Variants in SPAG16 observed in about 807,000 individuals in gnomAD.
The protein encoded by SPAG16 is sperm-associated antigen 16 protein.
A neutral mutation model predicts 80.4 loss-of-function variants in SPAG16; 86 were observed. That is an observed-to-expected ratio of 1.07 (90% CI 0.90 to 1.28). SPAG16 has a LOEUF of 1.28. Ranked by LOEUF, SPAG16 falls within the 50% of genes most tolerant of loss-of-function variation. The pLI is 0.00. For synonymous variants in SPAG16, 294 were observed against 265.9 expected (o/e 1.11, Z -1.03); for missense variants, 870 against 765.3 (o/e 1.14, Z -1.61).
chr2:213,558,451 A>G (rs1421540256), intron 10 of SPAG16, among the ~76,000 whole-genome samples: 1 of 147,302 alleles, frequency 6.8e-6, no homozygotes, highest in East Asian at 2.0e-4. Context: ...TTATTGATTT[A>G]GCCTTATTTA....
intron 12 of SPAG16, among the ~76,000 whole-genome samples, chr2:213,931,111 GTTAC>G: frequency 6.6e-6 from 1 of 152,042 alleles, no homozygotes; most frequent in South Asian, 2.1e-4. Flanking sequence ...CCCTTTTTTA[GTTAC>G]TTAGTTAGCA....
intron 13 of SPAG16, among the ~76,000 whole-genome samples, chr2:214,042,374 G>A (rs1049766391): frequency 6.6e-6 from 1 of 151,888 alleles, no homozygotes; most frequent in Non-Finnish European, 1.5e-5. Context: ...GGGAAAAACT[G>A]CAGTTACTTT....
At chr2:214,209,971 G>T (rs2058247548) in intron 15 of SPAG16, among the ~76,000 whole-genome samples, 1 of 151,942 alleles carries the variant, frequency 6.6e-6, no homozygotes, top group Non-Finnish European at 1.5e-5. Context: ...TTCTCACCAA[G>T]AAAAATGGAG....
intron 9 of SPAG16, among the ~76,000 whole-genome samples, chr2:213,468,935 C>T (rs895566840): frequency 1.3e-5 from 2 of 151,952 alleles, no homozygotes; most frequent in African/African-American, 4.8e-5. Context: ...GGAGGCTAGG[C>T]CATCTGGTCT....
chr2:214,103,625 T>C lies in SPAG16; in HGVS notation c.1528-4571T>C, dbSNP rs115769660. 9.0e-3 allele frequency among the ~76,000 whole-genome samples: 1,377 copies of C among 152,232 alleles called. 23 individuals carry two copies. The highest frequency in any genetic ancestry group is 0.031 in the African/African-American group (1,301 of 41,538). On this transcript the variant is annotated intron_variant, in intron 13 of 15. Coordinates refer to ENST00000331683, the MANE Select transcript of SPAG16 (RefSeq NM_024532.5). ...AACAGAAAGCACAAAGGCGGGAGCA[T>C]TCCAGGCAGTTAGAAAACAGGAAGG... is the stretch of plus-strand genomic sequence containing the variant.
rs150236759 is a variant in SPAG16, at chr2:213,994,142, A to G, written c.1401-19809A>G. ...ATTTTTTTTTCAAACTTGGTTTTCT[A>G]TTTCTTACAGACAGTAGTTTTCTTT... is the stretch of plus-strand genomic sequence containing the variant. On this transcript the variant is annotated intron_variant, in intron 12 of 15. Transcript: ENST00000331683. Among the ~76,000 whole-genome samples, 6 of 152,246 alleles carry G rather than the reference A, an allele frequency of 3.9e-5. No individual in the cohort carries two copies. The East Asian group carries it at 9.6e-4, about 24-fold the overall frequency.
intron 10 of SPAG16, among the ~76,000 whole-genome samples, chr2:213,508,745 C>G (rs1370614742): frequency 6.6e-6 from 1 of 151,822 alleles, no homozygotes; most frequent in Non-Finnish European, 1.5e-5. Flanking sequence ...GGAAGGGGAA[C>G]ATCACATACC....
At chr2:214,226,994 A>G (rs1010214986) in intron 15 of SPAG16, among the ~76,000 whole-genome samples, 1 of 152,236 alleles carries the variant, frequency 6.6e-6, no homozygotes, top group East Asian at 1.9e-4. Flanking sequence ...AATATTAAGG[A>G]TGTCTCAAAG....
chr2:214,147,995 A>G (rs2055746766), intron 14 of SPAG16, among the ~76,000 whole-genome samples: 1 of 152,202 alleles, frequency 6.6e-6, no homozygotes, highest in African/African-American at 2.4e-5. Context: ...TTAACATTTT[A>G]AATAACGTAG....
chr2:213,306,596 G>A (rs2062950254), intron 3 of SPAG16, among the ~76,000 whole-genome samples: 3 of 151,690 alleles, frequency 2.0e-5, no homozygotes, highest in African/African-American at 7.3e-5. Context: ...TTTAGCCCGT[G>A]GTGGTGAGGC....
chr2:213,588,540 C>T (rs1485987411), intron 10 of SPAG16, among the ~76,000 whole-genome samples: 2 of 150,854 alleles, frequency 1.3e-5, no homozygotes, highest in African/African-American at 4.9e-5. Context: ...CGGTGGCTCA[C>T]GCCTGTAATC....
Position 213,728,876 on chromosome 2 carries a change from C to CAAAAAAAAAAAAAAAAAAAA in SPAG16, c.1071-133583_1071-133564dup. 8.4e-4 allele frequency among the ~76,000 whole-genome samples: 49 copies of CAAAAAAAAAAAAAAAAAAAA among 58,462 alleles called. 1 individual carries two copies. The highest frequency in any genetic ancestry group is 1.1e-3 in the Non-Finnish European group (37 of 34,762). The allele number at this position is 58,462 out of a possible 152,430, so 38.4% of individuals were successfully genotyped here. A position where few individuals can be genotyped will look rare whatever the true frequency, so the allele number is the denominator to read the frequency against. ...TGGGCGACAGAGTGAGACTCCGTCT[C>CAAAAAAAAAAAAAAAAAAAA]AAAAAAAAAAAAAAAAAAAAAAAAA... On this transcript the variant is annotated intron_variant, in intron 10 of 15. Coordinates refer to ENST00000331683, the MANE Select transcript of SPAG16 (RefSeq NM_024532.5).
chr2:213,956,859 G>A (rs1382480920), intron 12 of SPAG16, among the ~76,000 whole-genome samples: 4 of 152,100 alleles, frequency 2.6e-5, no homozygotes, highest in Non-Finnish European at 5.9e-5. Flanking sequence ...TCATCTCTAA[G>A]TATGTTTAAA....
intron 10 of SPAG16, among the ~76,000 whole-genome samples, chr2:213,647,563 G>A (rs1311509006): frequency 6.6e-6 from 1 of 152,164 alleles, no homozygotes; most frequent in African/African-American, 2.4e-5. Flanking sequence ...CAGATTAGAA[G>A]TTTCTTATTG....
rs768998156 is a variant in SPAG16, at chr2:214,067,351, G to C, written c.1528-40845G>C. On this transcript the variant is annotated intron_variant, in intron 13 of 15. Coordinates refer to ENST00000331683, the MANE Select transcript of SPAG16 (RefSeq NM_024532.5). ...AAATATGTATATTGTATCAAACATT[G>C]TGTAGCACACAATAGAAATGGAGGT... Among the ~76,000 whole-genome samples the C allele has an allele frequency of 2.6e-4, 40 of 152,182 alleles. 1 individual carries two copies. The highest frequency in any genetic ancestry group is 6.2e-4 in the South Asian group (3 of 4,816).
Position 214,386,698 on chromosome 2 carries a change from C to G in SPAG16, c.1721-23442C>G, listed in dbSNP as rs182130720. 2.0e-5 allele frequency among the ~76,000 whole-genome samples: 3 copies of G among 151,914 alleles called. No homozygotes were observed. In the East Asian group the frequency reaches 5.8e-4, roughly 30 times the overall value. On this transcript the variant is annotated intron_variant, in intron 15 of 15. Coordinates refer to ENST00000331683, the MANE Select transcript of SPAG16 (RefSeq NM_024532.5). ...GCAACATGGAGAAACCCCATCCCTA[C>G]AAAAAATAAAAAAGTTTTAGCCTGG...
At chr2:213,827,646 C>G (rs1479112147) in intron 10 of SPAG16, among the ~76,000 whole-genome samples, 1 of 151,946 alleles carries the variant, frequency 6.6e-6, no homozygotes, top group Non-Finnish European at 1.5e-5. Flanking sequence ...TTTCTTATTG[C>G]TCATTAACAC....
intron 10 of SPAG16, among the ~76,000 whole-genome samples, chr2:213,660,689 G>A (rs1445978000): frequency 6.6e-6 from 1 of 152,150 alleles, no homozygotes. Flanking sequence ...CCTCTGGAAT[G>A]CATCTAGACT....
chr2:214,101,482 T>C (rs951851961), intron 13 of SPAG16, among the ~76,000 whole-genome samples: 25 of 151,978 alleles, frequency 1.6e-4, no homozygotes, highest in African/African-American at 5.3e-4. Flanking sequence ...CTGCTGAAAA[T>C]GCGAAGTTGG....
Sources: gnomAD v4.1 joint callset for allele counts (sites outside exome capture counted in the v4.1 genomes callset) on GRCh38, gnomAD v4.1.1 for gene constraint, MANE v1.5 for transcripts, NCBI Gene and HGNC (gene_info 2026-07-23, HGNC 2026-07-21) for gene names.